COL19A1: variants seen among roughly 807,000 people sequenced by gnomAD.
COL19A1 encodes the protein collagen alpha-1(XIX) chain.
Under a neutral mutation model 190.2 loss-of-function variants are expected in COL19A1, and 159 were observed. That is an observed-to-expected ratio of 0.84 (90% confidence interval 0.73 to 0.95). The LOEUF (loss-of-function observed/expected upper bound fraction) is 0.95, where lower values mean the gene tolerates loss of function less well. COL19A1 is among the 40% of genes least tolerant of loss of function. COL19A1 has a pLI of 0.00. For missense variants in COL19A1, 1,418 were observed against 1,431.9 expected, an observed-to-expected ratio of 0.99 and a Z score of 0.16; for synonymous variants, 509 against 458.9, an observed-to-expected ratio of 1.11 and a Z score of -1.39.
intron 11 of COL19A1, among the ~76,000 whole-genome samples, chr6:70,017,380 A>G (rs189585929): frequency 6.6e-6 from 1 of 152,270 alleles, no homozygotes; most frequent in African/African-American, 2.4e-5. Context: ...TAGGTGATGG[A>G]AGTATTTTAG....
chr6:69,987,085 A>T (rs1776354311), intron 11 of COL19A1, among the ~76,000 whole-genome samples: 1 of 152,010 alleles, frequency 6.6e-6, no homozygotes, highest in South Asian at 2.1e-4. Flanking sequence ...GATATTCCTT[A>T]AAAATCTTTT....
intron 1 of COL19A1, among the ~76,000 whole-genome samples, chr6:69,867,258 C>T (rs1767515145): frequency 6.6e-6 from 1 of 152,028 alleles, no homozygotes; most frequent in Non-Finnish European, 1.5e-5. Flanking sequence ...GCGGCGCGGG[C>T]GCGGGCGGGG....
chr6:70,054,735 GGAAAACACAAATT>G lies in COL19A1; in HGVS notation c.1171-13687_1171-13675del, dbSNP rs1186636067. Among the ~76,000 whole-genome samples the G allele has an allele frequency of 5.9e-5, 9 of 152,164 alleles. No homozygotes were observed. The South Asian group carries it at 1.2e-3, about 21-fold the overall frequency. On this transcript the variant is annotated intron_variant, in intron 14 of 50. Coordinates refer to ENST00000620364, the MANE Select transcript of COL19A1 (RefSeq NM_001858.6). ...ATTGGGGACAACTACATAGCATTTG[GGAAAACACAAATT>G]TGGGTTTGTACATGACTACTGTGAC...
chr6:69,974,806 C>CTTT (rs35518948), intron 11 of COL19A1, among the ~76,000 whole-genome samples: 220 of 93,018 alleles, frequency 2.4e-3, no homozygotes, highest in Middle Eastern at 8.6e-3. Flanking sequence ...AGACAGCTTC[C>CTTT]TTTTTTTTTT....
chr6:69,930,749 A>G (rs1772706677), intron 6 of COL19A1, among the ~76,000 whole-genome samples: 1 of 152,190 alleles, frequency 6.6e-6, no homozygotes. Context: ...CAATGAGCCA[A>G]GATCATGCCA....
chr6:70,074,655 C>T (rs902843445), intron 15 of COL19A1, among the ~76,000 whole-genome samples: 1 of 152,094 alleles, frequency 6.6e-6, no homozygotes, highest in Non-Finnish European at 1.5e-5. Context: ...TCTGCAGTTG[C>T]ACATCCTTAC....
chr6:69,927,763 TA>T, intron 4 of COL19A1, 145 bp from the exon 5 acceptor site: 2 of 1,056,318 alleles, frequency 1.9e-6, no homozygotes, highest in Admixed American at 2.7e-5. Context: ...GAAGATTTTT[TA>T]AAAGGAAAGA....
intron 14 of COL19A1, among the ~76,000 whole-genome samples, chr6:70,047,658 G>T (rs952195738): frequency 2.0e-5 from 3 of 152,074 alleles, no homozygotes; most frequent in African/African-American, 7.2e-5. Context: ...TAAATGTAGT[G>T]TGTCTTTATA....
chr6:69,909,334 G>C (rs1287307169), intron 4 of COL19A1, among the ~76,000 whole-genome samples: 1 of 152,102 alleles, frequency 6.6e-6, no homozygotes, highest in Non-Finnish European at 1.5e-5. Flanking sequence ...TAGGGAGTGT[G>C]TGATATCTCT....
rs554664026 is a variant in COL19A1, at chr6:70,144,477, G to C, written c.1680+214G>C. ...GTGACAAAATGAACTGACAGATGAA[G>C]ATATCAGGAGTCTGAAAGTCAAGCT... On this transcript the variant is annotated intron_variant, in intron 24 of 50. Transcript: ENST00000620364. 3.3e-5 allele frequency among the ~76,000 whole-genome samples: 5 copies of C among 152,260 alleles called. No homozygotes were observed. In the East Asian group the frequency reaches 9.7e-4, roughly 29 times the overall value.
chr6:69,883,381 A>G (rs1768694547), intron 2 of COL19A1, among the ~76,000 whole-genome samples: 1 of 152,312 alleles, frequency 6.6e-6, no homozygotes, highest in East Asian at 1.9e-4. Context: ...AACCTTTGCC[A>G]TGTAGGACCC....
At chr6:69,934,708 A>G (rs559883268) in intron 7 of COL19A1, among the ~76,000 whole-genome samples, 5 of 151,950 alleles carry the variant, frequency 3.3e-5, no homozygotes, top group Non-Finnish European at 7.4e-5. Context: ...ATCTCTGACT[A>G]TGGAAAAAAT....
intron 15 of COL19A1, among the ~76,000 whole-genome samples, chr6:70,082,252 T>C (rs1204545379): frequency 6.6e-6 from 1 of 152,128 alleles, no homozygotes; most frequent in Non-Finnish European, 1.5e-5. Context: ...ATTTTCAAAA[T>C]ACAGCATCAC....
At chr6:69,958,713 C>T (rs6928154) in intron 9 of COL19A1, among the ~76,000 whole-genome samples, 3,508 of 152,178 alleles carry the variant, frequency 0.023, 134 homozygotes, top group African/African-American at 0.078. Flanking sequence ...CTAAGAAAAA[C>T]CTCAATCTTT....
chr6:70,025,447 A>G (rs56081539), intron 12 of COL19A1, among the ~76,000 whole-genome samples: 5,794 of 152,318 alleles, frequency 0.038, 161 homozygotes, highest in Non-Finnish European at 0.057. Context: ...ATTCAGGTTC[A>G]TTGAGTGCCT....
chr6:69,968,360 T>A (rs1775240198), intron 11 of COL19A1, among the ~76,000 whole-genome samples: 1 of 152,222 alleles, frequency 6.6e-6, no homozygotes, highest in South Asian at 2.1e-4. Context: ...AATTATGATA[T>A]GTCTCATATA....
At chr6:69,901,216 C>A (rs1029973247) in intron 4 of COL19A1, among the ~76,000 whole-genome samples, 1 of 152,186 alleles carries the variant, frequency 6.6e-6, no homozygotes, top group Non-Finnish European at 1.5e-5. Flanking sequence ...CCTTCCTGGG[C>A]AGTAGCCTAA....
Position 69,974,938 on chromosome 6 carries a change from G to A in COL19A1, c.1026+12068G>A, listed in dbSNP as rs1775633151. On this transcript the variant is annotated intron_variant, in intron 11 of 50. Transcript: ENST00000620364. ...CGCCATTTTCCTGCCTCAGCCTCCCGAGTAGCTGGGACTACAGGTGCCTGC... is the reference window on the plus strand; with the variant it reads ...CGCCATTTTCCTGCCTCAGCCTCCCAAGTAGCTGGGACTACAGGTGCCTGC... Among the ~76,000 whole-genome samples, 5 of 148,092 alleles carry A rather than the reference G, an allele frequency of 3.4e-5. No individual in the cohort carries two copies. In the South Asian group the frequency reaches 6.6e-4, roughly 20 times the overall value.
chr6:69,897,307 T>A (rs1769851959), intron 2 of COL19A1, among the ~76,000 whole-genome samples: 1 of 152,180 alleles, frequency 6.6e-6, no homozygotes, highest in South Asian at 2.1e-4. Context: ...TATGTTTGTG[T>A]TTTTCCATAT....
Sources: allele counts gnomAD v4.1 joint callset (sites outside exome capture counted in the v4.1 genomes callset), GRCh38; gene constraint gnomAD v4.1.1; transcripts MANE v1.5; gene names NCBI Gene and HGNC (gene_info 2026-07-23, HGNC 2026-07-21).